Variants in MAPKAP1 observed in about 807,000 individuals in gnomAD.
The protein encoded by MAPKAP1 is target of rapamycin complex 2 subunit MAPKAP1.
Under a neutral mutation model 65.7 loss-of-function variants are expected in MAPKAP1, and 20 were observed. That is an observed-to-expected ratio of 0.30 (90% CI 0.21 to 0.44). MAPKAP1 has a LOEUF of 0.44. MAPKAP1 is among the 20% of genes least tolerant of loss of function. MAPKAP1 has a pLI of 1.00. For missense variants in MAPKAP1, 423 were observed against 648.0 expected (o/e 0.65, Z 3.77); for synonymous variants, 222 against 244.3 (o/e 0.91, Z 0.85).
chr9:125,581,336 C>T (rs1408717149), intron 5 of MAPKAP1, among the ~76,000 whole-genome samples: 1 of 152,250 alleles, frequency 6.6e-6, no homozygotes, highest in East Asian at 1.9e-4. Flanking sequence ...ATGTATGATA[C>T]AGTTTCTCTA....
intron 1 of MAPKAP1, among the ~76,000 whole-genome samples, chr9:125,683,209 C>T (rs572951234): frequency 1.7e-4 from 26 of 152,272 alleles, no homozygotes; most frequent in African/African-American, 6.0e-4. Flanking sequence ...CCACCCACCT[C>T]AGCCTCCCAA....
At chr9:125,627,837 T>C (rs1416420557) in intron 4 of MAPKAP1, among the ~76,000 whole-genome samples, 1 of 151,946 alleles carries the variant, frequency 6.6e-6, no homozygotes, top group African/African-American at 2.4e-5. Context: ...ACTGTTTTCA[T>C]AGGCTGTTGG....
At chr9:125,519,969 A>G (rs545672254) in intron 7 of MAPKAP1, among the ~76,000 whole-genome samples, 1 of 152,238 alleles carries the variant, frequency 6.6e-6, no homozygotes, top group African/African-American at 2.4e-5. Context: ...TAAGCTTAAT[A>G]AAGTGTGTAT....
chr9:125,707,144 GC>G lies in MAPKAP1; in HGVS notation c.-244del, dbSNP rs1158214384. 1.3e-5 allele frequency: 5 copies of G among 398,206 alleles called. No homozygotes were observed. The highest frequency in any genetic ancestry group is 1.0e-4 in the African/African-American group (5 of 48,738). The allele number at this position is 398,206 out of a possible 1,614,324, so 24.7% of individuals were successfully genotyped here. On this transcript the variant is annotated 5_prime_UTR_variant, in exon 1 of 12. Coordinates refer to ENST00000265960, the MANE Select transcript of MAPKAP1 (RefSeq NM_001006617.3). ...TGCCGCTTCCCGGGTTAGCCCTCAT[GC>G]CCCTGCTGCTCGCCGCCGCCGGCCG...
intron 4 of MAPKAP1, among the ~76,000 whole-genome samples, chr9:125,619,792 T>C (rs1025791578): frequency 6.6e-6 from 1 of 151,662 alleles, no homozygotes. Flanking sequence ...TATATTTCGC[T>C]ACAATAAAAA....
At chr9:125,669,978 C>A in intron 2 of MAPKAP1, 71 bp from the exon 3 acceptor site, 2 of 825,032 alleles carry the variant, frequency 2.4e-6, no homozygotes, top group Non-Finnish European at 3.8e-6. Flanking sequence ...TAATTAACTA[C>A]CTTTACATGA....
chr9:125,660,436 A>G (rs1834151544), intron 3 of MAPKAP1, among the ~76,000 whole-genome samples: 1 of 152,212 alleles, frequency 6.6e-6, no homozygotes, highest in African/African-American at 2.4e-5. Flanking sequence ...TACCTCAAAA[A>G]AAGTAAATAA....
chr9:125,609,583 G>C (rs1164634311), intron 4 of MAPKAP1, among the ~76,000 whole-genome samples: 2 of 152,156 alleles, frequency 1.3e-5, no homozygotes, highest in African/African-American at 2.4e-5. Context: ...CCGAGCTCAA[G>C]TGATCCCCTT....
At chr9:125,560,991 G>GAGCTTCAGAATTATGCT (rs1830877086) in intron 5 of MAPKAP1, among the ~76,000 whole-genome samples, 1 of 152,156 alleles carries the variant, frequency 6.6e-6, no homozygotes, top group Non-Finnish European at 1.5e-5. Context: ...GCAAACCTGC[G>GAGCTTCAGAATTATGCT]AGCTTCAGAA....
rs559772866 is a variant in MAPKAP1 at position 125,628,227 on chromosome 9, G to A, written c.498+29424C>T. On this transcript the variant is annotated intron_variant, in intron 4 of 11. Coordinates refer to ENST00000265960, the MANE Select transcript of MAPKAP1 (RefSeq NM_001006617.3). The stretch of plus-strand genomic sequence containing the variant: ...TAAACAGCAATTCACTATAGAGGAA[G>A]ACATTTCAGGCAGAAGAACACCACA... Among the ~76,000 whole-genome samples, 24 of 152,254 alleles carry A rather than the reference G, an allele frequency of 1.6e-4. No homozygotes were observed. In the South Asian group the frequency reaches 4.1e-3, roughly 26 times the overall value.
intron 4 of MAPKAP1, chr9:125,652,405 C>T (rs1833920793): frequency 6.8e-6 from 3 of 438,638 alleles, no homozygotes; most frequent in Non-Finnish European, 9.5e-6. Flanking sequence ...TCCCCTGATA[C>T]ATTTTAAACA....
intron 5 of MAPKAP1, 60 bp from the exon 6 acceptor site, chr9:125,559,869 G>A: frequency 6.5e-7 from 1 of 1,532,940 alleles, no homozygotes; most frequent in Non-Finnish European, 8.9e-7. Flanking sequence ...AAGAAGACCA[G>A]AGGGTATGGT....
chr9:125,472,471 C>T (rs574653796), intron 9 of MAPKAP1, among the ~76,000 whole-genome samples: 4 of 152,132 alleles, frequency 2.6e-5, no homozygotes, highest in East Asian at 1.9e-4. Flanking sequence ...GCATGAAATC[C>T]GATCAATATT....
chr9:125,559,889 G>C, intron 5 of MAPKAP1, 80 bp from the exon 6 acceptor site: 1 of 1,363,212 alleles, frequency 7.3e-7, no homozygotes, highest in Non-Finnish European at 1.0e-6. Context: ...TGCACAGCAA[G>C]CAAATTGAGG....
At chr9:125,606,004 T>A (rs1832429278) in intron 4 of MAPKAP1, among the ~76,000 whole-genome samples, 1 of 152,218 alleles carries the variant, frequency 6.6e-6, no homozygotes. Context: ...TCACTCTCTT[T>A]GAAATTGATA....
At chr9:125,563,953 C>T (rs892960780) in intron 5 of MAPKAP1, among the ~76,000 whole-genome samples, 2 of 152,196 alleles carry the variant, frequency 1.3e-5, no homozygotes, top group Admixed American at 6.5e-5. Flanking sequence ...CCTCGTGATC[C>T]ACCCGCCTTG....
intron 5 of MAPKAP1, 45 bp downstream of exon 5, chr9:125,585,510 A>C: frequency 6.3e-7 from 1 of 1,596,272 alleles, no homozygotes; most frequent in Non-Finnish European, 8.6e-7. Context: ...TTGGGTGGCC[A>C]AAAGACCACA....
rs118078718 is a variant in MAPKAP1, at chr9:125,472,739, A to G, written c.1208-4630T>C. Among the ~76,000 whole-genome samples, 466 of 152,372 alleles carry G rather than the reference A, an allele frequency of 3.1e-3. 2 individuals are homozygous for G. The highest frequency in any genetic ancestry group is 6.8e-3 in the Middle Eastern group (2 of 294). ...AAGATAACCACGAAAAGTTTTGACT[A>G]GAAAAATCCTTATAACACAATAGTA... On this transcript the variant is annotated intron_variant, in intron 9 of 11. Transcript: ENST00000265960.
intron 9 of MAPKAP1, among the ~76,000 whole-genome samples, chr9:125,479,589 A>G (rs911475606): frequency 2.6e-5 from 4 of 152,132 alleles, no homozygotes; most frequent in African/African-American, 9.7e-5. Flanking sequence ...TCAAAAAAAA[A>G]AAAAAAAGTC....
Sources: allele counts gnomAD v4.1 joint callset (sites outside exome capture counted in the v4.1 genomes callset), GRCh38; gene constraint gnomAD v4.1.1; transcripts MANE v1.5; gene names NCBI Gene and HGNC (gene_info 2026-07-23, HGNC 2026-07-21).